Variants in TAFA1 observed in about 807,000 individuals in gnomAD.
TAFA1 encodes the protein TAFA chemokine like family member 1.
A neutral mutation model predicts 18.5 loss-of-function variants in TAFA1; 4 were observed. The ratio of observed to expected loss-of-function variants is 0.22; its 90% CI spans 0.11 to 0.49. The LOEUF (loss-of-function observed/expected upper bound fraction) is 0.49. Ranked by LOEUF, TAFA1 falls within the 20% of genes least tolerant of loss-of-function variation. TAFA1 has a pLI of 0.98. For missense variants in TAFA1, 147 were observed against 169.0 expected (o/e 0.87, Z 0.72); for synonymous variants, 56 against 55.2 (o/e 1.01, Z -0.06).
At chr3:68,202,559 T>C (rs991159587) in intron 2 of TAFA1, among the ~76,000 whole-genome samples, 22 of 151,776 alleles carry the variant, frequency 1.4e-4, no homozygotes, top group African/African-American at 5.1e-4. Context: ...GTGGTTATAC[T>C]TCTTTTTTCA....
intron 3 of TAFA1, among the ~76,000 whole-genome samples, chr3:68,482,008 C>CT (rs998650085): frequency 1.1e-4 from 16 of 152,048 alleles, no homozygotes; most frequent in Non-Finnish European, 1.5e-4. Flanking sequence ...AGCATACTTT[C>CT]TTTTTTTTGT....
intron 2 of TAFA1, among the ~76,000 whole-genome samples, chr3:68,118,943 T>A (rs1463853106): frequency 2.0e-5 from 3 of 152,138 alleles, no homozygotes; most frequent in Admixed American, 6.5e-5. Flanking sequence ...TTTTGAGGAA[T>A]CACCATATTG....
intron 2 of TAFA1, among the ~76,000 whole-genome samples, chr3:68,050,984 T>G (rs896135084): frequency 6.6e-6 from 1 of 152,176 alleles, no homozygotes; most frequent in African/African-American, 2.4e-5. Context: ...CAGTGTTTAC[T>G]TCTCAGCACA....
At chr3:68,022,011 C>A (rs73837236) in intron 2 of TAFA1, among the ~76,000 whole-genome samples, 4,418 of 152,190 alleles carry the variant, frequency 0.029, 92 homozygotes, top group East Asian at 0.13. Flanking sequence ...TTCTGGCAAG[C>A]AGAGCATCAG....
chr3:68,484,807 C>T (rs1312684454), intron 3 of TAFA1, among the ~76,000 whole-genome samples: 1 of 152,192 alleles, frequency 6.6e-6, no homozygotes, highest in Non-Finnish European at 1.5e-5. Context: ...ACTTACTCCT[C>T]TCCCTTTTTC....
intron 2 of TAFA1, among the ~76,000 whole-genome samples, chr3:68,360,710 A>G (rs1403070939): frequency 6.6e-6 from 1 of 151,998 alleles, no homozygotes; most frequent in African/African-American, 2.4e-5. Flanking sequence ...TTGGCCTCCT[A>G]TGAAGATTCA....
intron 2 of TAFA1, among the ~76,000 whole-genome samples, chr3:68,113,897 G>GTTTTTTTTTT (rs35158174): frequency 2.2e-4 from 4 of 18,092 alleles, no homozygotes; most frequent in South Asian, 2.8e-3. Context: ...AGTTTTTTTT[G>GTTTTTTTTTT]TTTTTTTTTT....
At chr3:68,513,488 T>C (rs2072878964) in intron 3 of TAFA1, among the ~76,000 whole-genome samples, 1 of 152,196 alleles carries the variant, frequency 6.6e-6, no homozygotes, top group Non-Finnish European at 1.5e-5. Context: ...ATGTGGCTAG[T>C]AGTTATCTTA....
rs1185442326 is a variant in TAFA1, at chr3:68,065,710, A to G, written c.118+58966A>G. ...AGACGACATATACATATGTGTGTAT[A>G]CATAGATGTTTGTGTGTATGTGTGT... On this transcript the variant is annotated intron_variant, in intron 2 of 4. Coordinates refer to ENST00000478136, the MANE Select transcript of TAFA1 (RefSeq NM_213609.4). Among the ~76,000 whole-genome samples, 5 of 143,554 alleles carry G rather than the reference A, an allele frequency of 3.5e-5. No individual in the cohort carries two copies. In the East Asian group the frequency reaches 6.1e-4, roughly 17 times the overall value. 94.2% of individuals were successfully genotyped at this position (143,554 alleles called of 152,430 possible).
chr3:68,122,136 A>G (rs1413061243), intron 2 of TAFA1, among the ~76,000 whole-genome samples: 1 of 152,116 alleles, frequency 6.6e-6, no homozygotes, highest in Non-Finnish European at 1.5e-5. Flanking sequence ...GTCTAACTCA[A>G]GAGTCAAATT....
chr3:68,523,493 AG>A (rs568980858), intron 3 of TAFA1, among the ~76,000 whole-genome samples: 1 of 152,186 alleles, frequency 6.6e-6, no homozygotes, highest in Non-Finnish European at 1.5e-5. Context: ...TAATCAGGAA[AG>A]TGAGTAGTCA....
At chr3:68,422,597 G>C (rs1007621919) in intron 3 of TAFA1, among the ~76,000 whole-genome samples, 5 of 152,048 alleles carry the variant, frequency 3.3e-5, no homozygotes, top group Non-Finnish European at 7.4e-5. Context: ...AAATGGAACA[G>C]AAAATGTGGG....
intron 2 of TAFA1, among the ~76,000 whole-genome samples, chr3:68,208,390 T>A (rs2066552539): frequency 6.6e-6 from 1 of 151,984 alleles, no homozygotes; most frequent in East Asian, 1.9e-4. Flanking sequence ...CTTTTCCTTT[T>A]GGCCCCAAGA....
chr3:68,408,162 G>T (rs764361670), intron 2 of TAFA1, among the ~76,000 whole-genome samples: 1 of 152,078 alleles, frequency 6.6e-6, no homozygotes, highest in African/African-American at 2.4e-5. Context: ...GAAAGGAACC[G>T]TTTGTAATAA....
At chr3:68,271,238 G>A (rs1363820130) in intron 2 of TAFA1, among the ~76,000 whole-genome samples, 1 of 151,932 alleles carries the variant, frequency 6.6e-6, no homozygotes, top group Admixed American at 6.6e-5. Flanking sequence ...ACTCCTCCAG[G>A]CCTATTTTCC....
intron 2 of TAFA1, among the ~76,000 whole-genome samples, chr3:68,029,771 T>A (rs1704892049): frequency 6.6e-6 from 1 of 152,250 alleles, no homozygotes. Flanking sequence ...GTATTTTGAA[T>A]GCCCTCAGGA....
intron 2 of TAFA1, among the ~76,000 whole-genome samples, chr3:68,193,099 A>G (rs773342147): frequency 6.6e-6 from 1 of 151,784 alleles, no homozygotes; most frequent in African/African-American, 2.4e-5. Context: ...TGTTTTAAGT[A>G]TGAGGAATTA....
chr3:68,177,759 C>A (rs1046342247), intron 2 of TAFA1, among the ~76,000 whole-genome samples: 6 of 152,144 alleles, frequency 3.9e-5, no homozygotes, highest in African/African-American at 1.4e-4. Context: ...TGTCTTTGGG[C>A]AAATGACTTA....
At chr3:68,444,454 G>A (rs1026151589) in intron 3 of TAFA1, among the ~76,000 whole-genome samples, 1 of 152,022 alleles carries the variant, frequency 6.6e-6, no homozygotes, top group Non-Finnish European at 1.5e-5. Context: ...CTAACTGAAG[G>A]GACCCTGGGA....
Sources: allele counts gnomAD v4.1 joint callset (sites outside exome capture counted in the v4.1 genomes callset), GRCh38; gene constraint gnomAD v4.1.1; transcripts MANE v1.5; gene names NCBI Gene and HGNC (gene_info 2026-07-23, HGNC 2026-07-21).